The following ZNF618 variants were observed in gnomAD, a reference collection of about 807,000 sequenced individuals.
ZNF618 encodes neural precursor cell expressed, developmentally down-regulated 10.
In ZNF618, 34 loss-of-function variants were observed where a neutral mutation model predicts 103.0. The observed-to-expected ratio is 0.33, with a 90% CI of 0.25 to 0.44. The LOEUF (loss-of-function observed/expected upper bound fraction) is 0.44, where lower values mean the gene tolerates loss of function less well. Ranked by LOEUF, ZNF618 falls within the 20% of genes least tolerant of loss-of-function variation. The pLI, the probability that ZNF618 is intolerant of heterozygous loss-of-function variation, is 1.00. For synonymous variants in ZNF618, 551 were observed against 542.2 expected, an observed-to-expected ratio of 1.02 and a Z score of -0.23; for missense variants, 1,059 against 1,295.4, an observed-to-expected ratio of 0.82 and a Z score of 2.80.
rs947132358 is a variant in ZNF618 at position 113,968,085 on chromosome 9, A to G, written c.34-1032A>G. Reference sequence around the variant, plus strand: ...ATCCGCAATCCTGAAATTCAAAAAAACTCAAAAAGTTTTTATAACTGATGA... The same window carrying G: ...ATCCGCAATCCTGAAATTCAAAAAAGCTCAAAAAGTTTTTATAACTGATGA... On this transcript the variant is annotated intron_variant, in intron 1 of 14. Coordinates refer to ENST00000374126, the MANE Select transcript of ZNF618 (RefSeq NM_001318042.2). Among the ~76,000 whole-genome samples, 9 of 152,288 alleles carry G rather than the reference A, an allele frequency of 5.9e-5. No homozygotes were observed. In the East Asian group the frequency reaches 1.7e-3, roughly 29 times the overall value.
intron 4 of ZNF618, among the ~76,000 whole-genome samples, chr9:114,001,461 TC>T (rs1841201204): frequency 6.6e-6 from 1 of 152,100 alleles, no homozygotes; most frequent in African/African-American, 2.4e-5. Flanking sequence ...ATTCTGCAGA[TC>T]AGCAGACTGA....
intron 1 of ZNF618, among the ~76,000 whole-genome samples, chr9:113,933,335 T>G (rs1431509222): frequency 6.6e-6 from 1 of 152,156 alleles, no homozygotes; most frequent in Non-Finnish European, 1.5e-5. Context: ...GTGGAAAGCC[T>G]CTGGTCGGGA....
intron 12 of ZNF618, among the ~76,000 whole-genome samples, chr9:114,033,606 G>A (rs1274964662): frequency 1.3e-5 from 2 of 152,140 alleles, no homozygotes; most frequent in African/African-American, 4.8e-5. Context: ...CAGAGCAGCA[G>A]CCAAGGGGCC....
At chr9:113,976,425 A>G (rs561138945) in intron 2 of ZNF618, among the ~76,000 whole-genome samples, 139 of 152,346 alleles carry the variant, frequency 9.1e-4, no homozygotes, top group Non-Finnish European at 1.5e-3. Context: ...CTTTAATAAC[A>G]GAGGCCCTTG....
intron 1 of ZNF618, among the ~76,000 whole-genome samples, chr9:113,931,914 C>T (rs1338013894): frequency 1.3e-5 from 2 of 152,204 alleles, no homozygotes; most frequent in Non-Finnish European, 2.9e-5. Context: ...GTTCTCTACT[C>T]CTTGGGCTGA....
chr9:113,955,210 A>G (rs1836164250), intron 1 of ZNF618, among the ~76,000 whole-genome samples: 2 of 145,894 alleles, frequency 1.4e-5, no homozygotes, highest in South Asian at 4.3e-4. Flanking sequence ...CCCCTTAGAG[A>G]GTTTGACTGG....
intron 1 of ZNF618, among the ~76,000 whole-genome samples, chr9:113,901,533 C>T (rs921899518): frequency 3.3e-5 from 5 of 152,226 alleles, no homozygotes; most frequent in Non-Finnish European, 7.3e-5. Context: ...GCTGATACAT[C>T]AGCGCCCGTG....
At chr9:114,004,034 C>G (rs1415877411) in intron 6 of ZNF618, among the ~76,000 whole-genome samples, 1 of 152,080 alleles carries the variant, frequency 6.6e-6, no homozygotes, top group South Asian at 2.1e-4. Flanking sequence ...TACACCACAC[C>G]ATCACAAAAA....
intron 1 of ZNF618, among the ~76,000 whole-genome samples, chr9:113,946,626 C>T (rs1222323728): frequency 6.6e-6 from 1 of 152,178 alleles, no homozygotes; most frequent in Non-Finnish European, 1.5e-5. Flanking sequence ...AGGGGGCAAG[C>T]TGCGATGTTA....
intron 1 of ZNF618, among the ~76,000 whole-genome samples, chr9:113,903,708 G>GGGTTTT (rs769364901): frequency 3.7e-4 from 57 of 152,164 alleles, no homozygotes; most frequent in Middle Eastern, 3.4e-3. Flanking sequence ...GAGGTTGACA[G>GGGTTTT]GGTTTTTTGT....
At chr9:113,911,571 C>T (rs569248582) in intron 1 of ZNF618, among the ~76,000 whole-genome samples, 2 of 152,064 alleles carry the variant, frequency 1.3e-5, no homozygotes, top group African/African-American at 4.8e-5. Flanking sequence ...TCAGGTGATC[C>T]GCCCGCCTTG....
chr9:114,035,107 A>G, intron 12 of ZNF618: 1 of 939,592 alleles, frequency 1.1e-6, no homozygotes, highest in Non-Finnish European at 1.3e-6. Context: ...CATCTGGCTC[A>G]CTGGTTATTA....
chr9:113,938,629 C>T (rs1019596061), intron 1 of ZNF618, among the ~76,000 whole-genome samples: 3 of 141,462 alleles, frequency 2.1e-5, no homozygotes, highest in Admixed American at 1.5e-4. Flanking sequence ...GGTGCAGTGG[C>T]GCAGTCTTGG....
intron 1 of ZNF618, among the ~76,000 whole-genome samples, chr9:113,962,716 A>G (rs531704496): frequency 1.3e-3 from 194 of 152,232 alleles, no homozygotes; most frequent in African/African-American, 4.5e-3. Flanking sequence ...AATGATGCCT[A>G]CCCAACTACC....
chr9:113,927,220 A>G (rs1833181236), intron 1 of ZNF618, among the ~76,000 whole-genome samples: 1 of 152,204 alleles, frequency 6.6e-6, no homozygotes, highest in Non-Finnish European at 1.5e-5. Flanking sequence ...ATGATGTATT[A>G]GGTAAAAGGA....
intron 6 of ZNF618, among the ~76,000 whole-genome samples, chr9:114,007,088 T>C (rs1018192365): frequency 1.3e-5 from 2 of 152,184 alleles, no homozygotes; most frequent in African/African-American, 4.8e-5. Flanking sequence ...GAAGGGGTGA[T>C]GTAGGGCATG....
chr9:113,957,492 A>C (rs1836420394), intron 1 of ZNF618, among the ~76,000 whole-genome samples: 1 of 152,220 alleles, frequency 6.6e-6, no homozygotes, highest in African/African-American at 2.4e-5. Context: ...TGAGGGCCAG[A>C]GACTGCCTCT....
At position 114,049,610 on chromosome 9, in the gene ZNF618, C is replaced by A. The variant is rs556647706; in HGVS notation, c.2308C>A (p.Leu770Met). The change falls in exon 15 of 15, where the codon CTG (leucine) becomes ATG (methionine). Residue 770 changes from leucine to methionine, a missense_variant. Physicochemically the swap from Leu to Met is conservative, Grantham distance 15 (BLOSUM62 2). This residue lies in a region of ZNF618 where 272 missense variants were observed against 380.1 expected (regional missense o/e 0.72). Transcript: ENST00000374126. Reference protein sequence around the residue: ...VLPTYVRLEKLFTAKANDAGT... With the variant: ...VLPTYVRLEKMFTAKANDAGT... ...GCCCACCTACGTCAGGCTGGAGAAGCTGTTCACGGCCAAGGCCAACGACGC... is the reference window on the plus strand; with the variant it reads ...GCCCACCTACGTCAGGCTGGAGAAGATGTTCACGGCCAAGGCCAACGACGC... 13 of 1,613,876 alleles carry A rather than the reference C, an allele frequency of 8.1e-6. No homozygotes were observed. In the South Asian group the frequency reaches 1.3e-4, roughly 16 times the overall value.
chr9:113,980,622 G>C (rs1437585777), intron 2 of ZNF618, among the ~76,000 whole-genome samples: 1 of 152,216 alleles, frequency 6.6e-6, no homozygotes, highest in Non-Finnish European at 1.5e-5. Flanking sequence ...CTTAGGAAAT[G>C]AGTGTGGATA....
Sources: gnomAD v4.1 joint callset for allele counts (sites outside exome capture counted in the v4.1 genomes callset) on GRCh38, gnomAD v4.1.1 for gene constraint, gnomAD v4.1.1 regional missense constraint, MANE v1.5 for transcripts, NCBI Gene and HGNC (gene_info 2026-07-23, HGNC 2026-07-21) for gene names.